PRKG1: variants seen among roughly 807,000 people sequenced by gnomAD.
PRKG1 encodes the protein protein kinase cGMP-dependent 1.
PRKG1 carries 35 observed loss-of-function variants against 88.1 expected under a neutral mutation model. The observed-to-expected ratio is 0.40, with a 90% CI of 0.30 to 0.53. The LOEUF is 0.53. PRKG1 is among the 20% of genes least tolerant of loss of function. The pLI is 0.59. For missense variants in PRKG1, 540 were observed against 839.8 expected (o/e 0.64, Z 4.41); for synonymous variants, 303 against 292.5 (o/e 1.04, Z -0.37).
chr10:52,059,208 A>G (rs1268040312), intron 6 of PRKG1, among the ~76,000 whole-genome samples: 1 of 151,970 alleles, frequency 6.6e-6, no homozygotes, highest in Admixed American at 6.6e-5. Flanking sequence ...ATTCTCAATC[A>G]CTGCTCCTGG....
chr10:51,744,187 T>G (rs1459158621), intron 3 of PRKG1, among the ~76,000 whole-genome samples: 2 of 152,190 alleles, frequency 1.3e-5, no homozygotes, highest in Non-Finnish European at 2.9e-5. Context: ...TAGATTTTCA[T>G]TTAATTCTCC....
intron 2 of PRKG1, among the ~76,000 whole-genome samples, chr10:51,206,326 C>T (rs941940922): frequency 6.6e-6 from 1 of 151,088 alleles, no homozygotes; most frequent in Non-Finnish European, 1.5e-5. Context: ...CCCGTCTCTA[C>T]TAAAAATACA....
chr10:51,479,240 A>C (rs544677100), intron 3 of PRKG1, among the ~76,000 whole-genome samples: 2 of 152,088 alleles, frequency 1.3e-5, no homozygotes, highest in African/African-American at 4.8e-5. Context: ...ATTTTTCGTA[A>C]TTTTCTGATC....
At chr10:51,672,735 C>T (rs1292962219) in intron 3 of PRKG1, among the ~76,000 whole-genome samples, 4 of 152,164 alleles carry the variant, frequency 2.6e-5, no homozygotes, top group Non-Finnish European at 5.9e-5. Context: ...GATATCTTCA[C>T]TTGAGTTATT....
chr10:51,558,751 A>T (rs952970350), intron 3 of PRKG1, among the ~76,000 whole-genome samples: 1 of 152,158 alleles, frequency 6.6e-6, no homozygotes. Context: ...TTTGACAAAG[A>T]AAGCATAGTA....
At chr10:51,184,057 T>G (rs1323940003) in intron 2 of PRKG1, among the ~76,000 whole-genome samples, 4 of 152,168 alleles carry the variant, frequency 2.6e-5, no homozygotes, top group Non-Finnish European at 4.4e-5. Context: ...GTACAAACAT[T>G]TATTTTTGTC....
At chr10:51,173,522 AGTATATG>A (rs1837108523) in intron 2 of PRKG1, among the ~76,000 whole-genome samples, 1 of 151,854 alleles carries the variant, frequency 6.6e-6, no homozygotes, top group Non-Finnish European at 1.5e-5. Flanking sequence ...TCAATGTGGA[AGTATATG>A]TCATTATGCT....
intron 4 of PRKG1, among the ~76,000 whole-genome samples, chr10:51,808,892 C>T (rs1309954685): frequency 3.9e-5 from 6 of 152,114 alleles, no homozygotes; most frequent in Admixed American, 1.3e-4. Context: ...CTCTGTTGTA[C>T]ATCCCAATGC....
chr10:52,207,936 T>C (rs1181400555), intron 9 of PRKG1, among the ~76,000 whole-genome samples: 1 of 152,138 alleles, frequency 6.6e-6, no homozygotes, highest in African/African-American at 2.4e-5. Context: ...GTGGGAGATA[T>C]TCCTCCTGGC....
intron 2 of PRKG1, among the ~76,000 whole-genome samples, chr10:51,343,811 G>T (rs1423516328): frequency 6.6e-6 from 1 of 152,116 alleles, no homozygotes; most frequent in Non-Finnish European, 1.5e-5. Flanking sequence ...GGGAATAATA[G>T]AGCCAAATCG....
chr10:52,258,228 A>T (rs1841352813), intron 10 of PRKG1, among the ~76,000 whole-genome samples: 1 of 139,042 alleles, frequency 7.2e-6, no homozygotes. Context: ...TAGAATAATC[A>T]CTATAAATCT....
chr10:51,418,436 C>G (rs1045608941), intron 2 of PRKG1, among the ~76,000 whole-genome samples: 1 of 152,194 alleles, frequency 6.6e-6, no homozygotes, highest in African/African-American at 2.4e-5. Context: ...ACATTCATTA[C>G]TACCCTGTAA....
chr10:51,489,230 T>C (rs1326254), intron 3 of PRKG1, among the ~76,000 whole-genome samples: 36,797 of 152,034 alleles, frequency 0.24, 4,811 homozygotes, highest in Admixed American at 0.32. Flanking sequence ...AGAAAATATA[T>C]GCTATCACAG....
At chr10:51,064,148 A>G (rs563859780) in intron 1 of PRKG1, among the ~76,000 whole-genome samples, 1 of 152,242 alleles carries the variant, frequency 6.6e-6, no homozygotes, top group East Asian at 1.9e-4. Context: ...GGCATATCAT[A>G]TCAACATGAC....
chr10:52,273,582 T>C (rs1335750985), intron 12 of PRKG1, among the ~76,000 whole-genome samples: 2 of 152,134 alleles, frequency 1.3e-5, no homozygotes, highest in African/African-American at 4.8e-5. Flanking sequence ...CATATCTTTG[T>C]ACAACAGGCC....
chr10:52,090,379 AATAAATGTTC>A (rs1276876236), intron 7 of PRKG1, among the ~76,000 whole-genome samples: 3 of 152,212 alleles, frequency 2.0e-5, no homozygotes, highest in Non-Finnish European at 4.4e-5. Context: ...CATATAATAA[AATAAATGTTC>A]ATAAGTCCCT....
chr10:52,071,326 C>CT (rs1846491258), intron 7 of PRKG1, among the ~76,000 whole-genome samples: 1 of 152,068 alleles, frequency 6.6e-6, no homozygotes, highest in Admixed American at 6.5e-5. Context: ...TCTCTAGTGT[C>CT]TATTGTTCCC....
intron 2 of PRKG1, among the ~76,000 whole-genome samples, chr10:51,172,612 G>C (rs1422558890): frequency 2.9e-5 from 1 of 34,336 alleles, no homozygotes; most frequent in African/African-American, 1.6e-4. Flanking sequence ...ATGTATGTAT[G>C]TATGTATGTA....
intron 1 of PRKG1, among the ~76,000 whole-genome samples, chr10:51,084,276 A>G (rs763211101): frequency 1.5e-4 from 23 of 152,278 alleles, no homozygotes; most frequent in Middle Eastern, 3.4e-3. Flanking sequence ...ATGACCAAAA[A>G]CATGTGTTTA....
Sources: allele counts gnomAD v4.1 joint callset (sites outside exome capture counted in the v4.1 genomes callset), GRCh38; gene constraint gnomAD v4.1.1; transcripts MANE v1.5; gene names NCBI Gene and HGNC (gene_info 2026-07-23, HGNC 2026-07-21).